Variants in CDH13 observed in about 807,000 individuals in gnomAD.
CDH13 encodes the protein cadherin-13.
Under a neutral mutation model 63.8 loss-of-function variants are expected in CDH13, and 24 were observed. That is an observed-to-expected ratio of 0.38 (90% CI 0.27 to 0.53). The LOEUF is 0.53. Ranked by LOEUF, CDH13 falls within the 20% of genes least tolerant of loss-of-function variation. The probability of loss-of-function intolerance (pLI) is 0.85; values close to 1 mark genes in which losing one functional copy is unlikely to be tolerated. For synonymous variants in CDH13, 503 were observed against 355.3 expected (o/e 1.42, Z -4.67); for missense variants, 1,049 against 903.1 (o/e 1.16, Z -2.07).
intron 7 of CDH13, among the ~76,000 whole-genome samples, chr16:83,592,731 C>T (rs949538761): frequency 6.6e-6 from 1 of 152,094 alleles, no homozygotes; most frequent in South Asian, 2.1e-4. Context: ...GAGAAATGAG[C>T]GCTGCCTTCT....
chr16:83,136,787 T>G (rs954638264), intron 4 of CDH13, among the ~76,000 whole-genome samples: 3 of 152,194 alleles, frequency 2.0e-5, no homozygotes, highest in African/African-American at 4.8e-5. Flanking sequence ...GCAGCCTGAA[T>G]GCAGGTTCCC....
At chr16:83,685,961 A>G (rs1397158960) in intron 10 of CDH13, among the ~76,000 whole-genome samples, 1 of 152,184 alleles carries the variant, frequency 6.6e-6, no homozygotes, top group Non-Finnish European at 1.5e-5. Flanking sequence ...TAAAATACCT[A>G]ACATTTTTAT....
intron 1 of CDH13, among the ~76,000 whole-genome samples, chr16:82,744,236 A>C (rs904264871): frequency 6.6e-6 from 1 of 152,254 alleles, no homozygotes; most frequent in Non-Finnish European, 1.5e-5. Context: ...ACAAAGTCCA[A>C]AGCGAAGCAA....
At chr16:82,885,848 T>C (rs2040868974) in intron 2 of CDH13, among the ~76,000 whole-genome samples, 1 of 152,158 alleles carries the variant, frequency 6.6e-6, no homozygotes, top group South Asian at 2.1e-4. Context: ...GCCTACCTCA[T>C]AGGGTTATGT....
intron 1 of CDH13, among the ~76,000 whole-genome samples, chr16:82,796,592 C>T (rs967856872): frequency 2.0e-5 from 3 of 152,200 alleles, no homozygotes; most frequent in African/African-American, 4.8e-5. Flanking sequence ...CCTTCAGATC[C>T]ATTCATGATA....
intron 6 of CDH13, among the ~76,000 whole-genome samples, chr16:83,434,437 T>G (rs752500008): frequency 1.3e-5 from 2 of 152,166 alleles, no homozygotes; most frequent in Non-Finnish European, 2.9e-5. Context: ...AGTGTCTATC[T>G]CTGGCGTGGT....
At chr16:83,250,948 A>G (rs998322180) in intron 5 of CDH13, among the ~76,000 whole-genome samples, 1 of 151,860 alleles carries the variant, frequency 6.6e-6, no homozygotes, top group African/African-American at 2.4e-5. Flanking sequence ...CTGTTTAAAC[A>G]TTGGGGGAAG....
At chr16:83,373,594 T>G (rs1325807310) in intron 6 of CDH13, among the ~76,000 whole-genome samples, 1 of 152,108 alleles carries the variant, frequency 6.6e-6, no homozygotes, top group Non-Finnish European at 1.5e-5. Flanking sequence ...GATACAGGTG[T>G]TGGAGAGAGG....
At chr16:83,049,627 C>T (rs188540861) in intron 3 of CDH13, among the ~76,000 whole-genome samples, 1 of 152,120 alleles carries the variant, frequency 6.6e-6, no homozygotes, top group Non-Finnish European at 1.5e-5. Flanking sequence ...GAATGACTGG[C>T]CTCTTTTACT....
intron 2 of CDH13, among the ~76,000 whole-genome samples, chr16:83,012,039 G>T (rs571999322): frequency 6.6e-6 from 1 of 152,196 alleles, no homozygotes; most frequent in East Asian, 1.9e-4. Context: ...CCCAGCCCAG[G>T]ACTAGGTCTG....
rs1907955042 is a variant in CDH13, at chr16:83,602,588, G to A, written c.1095G>A (p.Lys365=). The A allele has an allele frequency of 1.2e-6, 2 of 1,613,798 alleles. No homozygotes were observed. The highest frequency in any genetic ancestry group is 1.3e-5 in the African/African-American group (1 of 74,920). Residue 365 remains lysine, a synonymous_variant, in exon 8 of 14, where the codon AAG becomes AAA. Transcript: ENST00000567109. ...DKNDHSPKFT[K]KEFQATVEEG... The stretch of plus-strand genomic sequence containing the variant: ...ATGATCACTCACCAAAATTCACCAA[G>A]AAAGAGGTAAACCCCTGTGCCAAAC...
chr16:83,087,922 C>A (rs1255354678), intron 3 of CDH13, among the ~76,000 whole-genome samples: 1 of 152,064 alleles, frequency 6.6e-6, no homozygotes, highest in African/African-American at 2.4e-5. Context: ...AATAGTGTGG[C>A]CTTTACCTTT....
intron 2 of CDH13, among the ~76,000 whole-genome samples, chr16:82,982,043 C>A (rs1156670404): frequency 6.6e-6 from 1 of 152,124 alleles, no homozygotes; most frequent in Non-Finnish European, 1.5e-5. Context: ...GTATATGAAG[C>A]CATATTTCCC....
intron 7 of CDH13, among the ~76,000 whole-genome samples, chr16:83,573,881 A>G (rs1030836377): frequency 6.6e-6 from 1 of 152,136 alleles, no homozygotes; most frequent in Non-Finnish European, 1.5e-5. Flanking sequence ...TAGCTGTCCC[A>G]TTATTTTGGC....
chr16:82,996,018 A>G (rs1419508957), intron 2 of CDH13, among the ~76,000 whole-genome samples: 2 of 152,174 alleles, frequency 1.3e-5, no homozygotes, highest in Admixed American at 6.6e-5. Flanking sequence ...GAGAGTTGCC[A>G]TCTTCCTGTT....
chr16:83,163,760 C>A (rs1258373211), intron 4 of CDH13, among the ~76,000 whole-genome samples: 1 of 152,062 alleles, frequency 6.6e-6, no homozygotes, highest in Non-Finnish European at 1.5e-5. Flanking sequence ...AAAGCCGCCA[C>A]CCACCATTCT....
At chr16:83,545,118 T>TACCCA (rs1221631761) in intron 7 of CDH13, among the ~76,000 whole-genome samples, 1 of 152,228 alleles carries the variant, frequency 6.6e-6, no homozygotes, top group African/African-American at 2.4e-5. Context: ...TCATGTTCTT[T>TACCCA]ACCCAACCAG....
chr16:82,636,315 A>G (rs773733277), intron 1 of CDH13, among the ~76,000 whole-genome samples: 1 of 151,838 alleles, frequency 6.6e-6, no homozygotes. Context: ...CAGGCTGCAG[A>G]ACGTTCCTGG....
intron 1 of CDH13, among the ~76,000 whole-genome samples, chr16:82,787,759 A>G (rs2036087445): frequency 6.8e-6 from 1 of 147,026 alleles, no homozygotes; most frequent in South Asian, 2.2e-4. Flanking sequence ...GATTTTAATA[A>G]CAATTTTGTT....
Sources: gnomAD v4.1 joint callset for allele counts (sites outside exome capture counted in the v4.1 genomes callset) on GRCh38, gnomAD v4.1.1 for gene constraint, MANE v1.5 for transcripts, NCBI Gene and HGNC (gene_info 2026-07-23, HGNC 2026-07-21) for gene names.